MAP1A: variants seen among roughly 807,000 people sequenced by gnomAD.
The protein encoded by MAP1A is microtubule-associated protein 1A.
Under a neutral mutation model 185.9 loss-of-function variants are expected in MAP1A, and 42 were observed. The ratio of observed to expected loss-of-function variants is 0.23; its 90% CI spans 0.18 to 0.29. The LOEUF (loss-of-function observed/expected upper bound fraction) is 0.29. Ranked by LOEUF, MAP1A falls within the 10% of genes least tolerant of loss-of-function variation. The probability of loss-of-function intolerance (pLI) is 1.00; values close to 1 mark genes in which losing one functional copy is unlikely to be tolerated. For missense variants in MAP1A, 2,995 were observed against 3,450.4 expected (o/e 0.87, Z 3.31); for synonymous variants, 1,229 against 1,335.9 (o/e 0.92, Z 1.74).
Position 43,522,006 on chromosome 15 carries a change from G to A in MAP1A, c.533G>A (p.Arg178His), listed in dbSNP as rs750179744. 6.2e-6 allele frequency: 10 copies of A among 1,614,046 alleles called. No individual in the cohort carries two copies. The highest frequency in any genetic ancestry group is 1.7e-5 in the Admixed American group (1 of 60,004). Residue 178 changes from arginine to histidine, a missense_variant, in exon 4 of 6, where the codon CGT becomes CAT. Transcript: ENST00000300231. The surrounding 1 kb of genome is among the most constrained non-coding windows in gnomAD (Gnocchi z 5.9). ...RLGIQAEPLY[R>H]VVSNTIEPLT... is the part of the protein sequence containing the mutation. ...GGCATCCAGGCTGAGCCTCTATATC[G>A]TGTGGTCAGCAATACCATTGAGCCA...
intron 1 of MAP1A, among the ~76,000 whole-genome samples, chr15:43,518,140 G>C (rs2079305123): frequency 6.6e-6 from 1 of 152,132 alleles, no homozygotes; most frequent in Admixed American, 6.5e-5. Flanking sequence ...CCTATGCTGG[G>C]GGTGAGCAGG....
rs2079318277 is a variant in MAP1A, at chr15:43,521,328, C to A, written c.-146C>A. 1.2e-6 allele frequency: 2 copies of A among 1,607,184 alleles called. No individual in the cohort carries two copies. The highest frequency in any genetic ancestry group is 1.1e-5 in the South Asian group (1 of 90,648). Reference sequence around the variant, plus strand: ...TTCTATCTCCTATTCTTCTAGATTTCCCAATTGCTCAGCAATAGAGACCCT... The same window carrying A: ...TTCTATCTCCTATTCTTCTAGATTTACCAATTGCTCAGCAATAGAGACCCT... On this transcript the variant is annotated 5_prime_UTR_variant, in exon 4 of 6. Coordinates refer to ENST00000300231, the MANE Select transcript of MAP1A (RefSeq NM_002373.6). This position sits in a 1 kb window ranked among gnomAD's most constrained non-coding sequence, Gnocchi z 4.6.
rs775291243 is a variant in MAP1A at position 43,524,468 on chromosome 15, C to A, written c.2995C>A (p.Pro999Thr). 13 of 1,614,166 alleles carry A rather than the reference C, an allele frequency of 8.1e-6. No homozygotes were observed. In the Admixed American group the frequency reaches 2.2e-4, roughly 27 times the overall value. ...DSTVKMASPP[P>T]SGPPSATHTP... ...CACAGTGAAGATGGCTTCTCCTCCA[C>A]CATCTGGCCCACCCAGTGCCACCCA... The change falls in exon 4 of 6, where the codon CCA (proline) becomes ACA (threonine). Residue 999 changes from proline to threonine, a missense_variant. This residue lies in a region of MAP1A where 2,728 missense variants were observed against 2,986.0 expected (regional missense o/e 0.91). Transcript: ENST00000300231.
chr15:43,529,045 C>T lies in MAP1A; in HGVS notation c.7572C>T (p.Ser2524=). Residue 2524 remains serine, a synonymous_variant, in exon 4 of 6, where the codon TCC becomes TCT. Transcript: ENST00000300231. This position sits in a 1 kb window ranked among gnomAD's most constrained non-coding sequence, Gnocchi z 4.3. ...DVPPETEECP[S]ITAEAALDSD... is the part of the protein sequence containing the mutation. ...CGCCAGAAACTGAGGAGTGTCCGTCCATCACAGCTGAGGCAGCCCTCGACT... is the reference window on the plus strand; with the variant it reads ...CGCCAGAAACTGAGGAGTGTCCGTCTATCACAGCTGAGGCAGCCCTCGACT... 6.2e-7 allele frequency: 1 copy of T among 1,613,876 alleles called. No homozygotes were observed. Among genetic ancestry groups the T allele is most frequent in the Non-Finnish European group, 8.5e-7 (1 of 1,179,998 alleles).
rs1033753291 is a variant in MAP1A, at chr15:43,528,800, C to A, written c.7327C>A (p.Pro2443Thr). 6.8e-6 allele frequency: 11 copies of A among 1,613,494 alleles called. No individual in the cohort carries two copies. Among genetic ancestry groups the A allele is most frequent in the Non-Finnish European group, 9.3e-6 (11 of 1,179,940 alleles). ...CCAGGGATGTGCCACTGAGCCTCGG[C>A]CCCATCGTGGGGAGCTCTCCCCATC... ...GPQGCATEPR[P>T]HRGELSPSFL... Residue 2443 changes from proline (P) to threonine (T), a missense_variant, in exon 4 of 6, where the codon CCC (proline) becomes ACC (threonine). Around this residue, in one of 3 missense-constraint regions of MAP1A, gnomAD observed 2,728 missense variants for 2,986.0 expected, o/e 0.91. Coordinates refer to ENST00000300231, the MANE Select transcript of MAP1A (RefSeq NM_002373.6).
In MAP1A at chr15:43,523,163, G is replaced by A. The variant is rs1166410365; in HGVS notation, c.1690G>A (p.Ala564Thr). Residue 564 changes from alanine to threonine, a missense_variant, in exon 4 of 6, where the codon GCA (alanine) becomes ACA (threonine). Ala to Thr is a moderately conservative substitution (Grantham distance 58, BLOSUM62 0). Coordinates refer to ENST00000300231, the MANE Select transcript of MAP1A (RefSeq NM_002373.6). Reference sequence around the variant, plus strand: ...AGATAAGCCATTCCCTCTAGACACTGCAGAGGAGGGACCCCCAAGTACAGC... The same window carrying A: ...AGATAAGCCATTCCCTCTAGACACTACAGAGGAGGGACCCCCAAGTACAGC... ...LGDKPFPLDT[A>T]EEGPPSTAIQ... 1.2e-6 allele frequency: 2 copies of A among 1,614,126 alleles called. No homozygotes were observed. Among genetic ancestry groups the A allele is most frequent in the Middle Eastern group, 1.6e-4 (1 of 6,062 alleles).
rs1459803738 is a variant in MAP1A, at chr15:43,525,966, C to T, written c.4493C>T (p.Ala1498Val). The change falls in exon 4 of 6, where the codon GCC becomes GTC. Residue 1498 changes from alanine to valine, a missense_variant. By Grantham distance (64) the Ala-to-Val change is moderately conservative. Transcript: ENST00000300231. ...AAGATCCCAGAAGAGAAAGACAAAG[C>T]CTTAGATCAAAAAGTCAGAAGTGTT... ...KEKIPEEKDK[A>V]LDQKVRSVEH... 1 of 1,613,916 alleles carries T rather than the reference C, an allele frequency of 6.2e-7. No individual in the cohort carries two copies. The highest frequency in any genetic ancestry group is 1.3e-5 in the African/African-American group (1 of 74,906).
chr15:43,526,978 T>A lies in MAP1A; in HGVS notation c.5505T>A (p.Thr1835=), dbSNP rs752921921. The part of the protein sequence containing the change: ...LMPHMKNEPT[T]PSWLADIPPW... ...CACACATGAAGAATGAACCCACTAC[T>A]CCCTCATGGCTGGCTGACATCCCAC... Residue 1835 remains threonine (T), a synonymous_variant, in exon 4 of 6, where the codon ACT becomes ACA. Transcript: ENST00000300231. This position sits in a 1 kb window ranked among gnomAD's most constrained non-coding sequence, Gnocchi z 4.7. The A allele has an allele frequency of 1.2e-6, 2 of 1,613,248 alleles. No homozygotes were observed. The highest frequency in any genetic ancestry group is 1.7e-6 in the Non-Finnish European group (2 of 1,179,556).
Position 43,520,979 on chromosome 15 carries a change from A to G in MAP1A, c.-284A>G. 6.5e-7 allele frequency: 1 copy of G among 1,549,956 alleles called. No homozygotes were observed. Among genetic ancestry groups the G allele is most frequent in the Non-Finnish European group, 8.7e-7 (1 of 1,146,646 alleles). On this transcript the variant is annotated 5_prime_UTR_variant, in exon 3 of 6. Coordinates refer to ENST00000300231, the MANE Select transcript of MAP1A (RefSeq NM_002373.6). ...CCCCTTCTTCCATTCCAGGTTCATC[A>G]TCTTCTTAGCAGCTCATCAGCTTAT...
At chr15:43,518,372 GC>G (rs1433875266) in intron 1 of MAP1A, among the ~76,000 whole-genome samples, 1 of 151,956 alleles carries the variant, frequency 6.6e-6, no homozygotes, top group East Asian at 1.9e-4. Flanking sequence ...CCCAGCGGCT[GC>G]CCTGCATTTC....
At position 43,530,278 on chromosome 15, in the gene MAP1A, G is replaced by T. The variant is rs563181188; in HGVS notation, c.*54G>T. Reference sequence around the variant, plus strand: ...CACTCCCCCAGCTCCTTTAGAGAATGGCTACTGCTGAGTCCTTTGGGGTTG... The same window carrying T: ...CACTCCCCCAGCTCCTTTAGAGAATTGCTACTGCTGAGTCCTTTGGGGTTG... On this transcript the variant is annotated 3_prime_UTR_variant, in exon 6 of 6. Transcript: ENST00000300231. The T allele has an allele frequency of 1.9e-6, 3 of 1,601,126 alleles. No individual in the cohort carries two copies. The African/African-American group carries it at 4.0e-5, about 21-fold the overall frequency.
At position 43,522,025 on chromosome 15, in the gene MAP1A, T is replaced by C; in HGVS notation, c.552T>C (p.Ile184=). Residue 184 remains isoleucine, a synonymous_variant, in exon 4 of 6, where the codon ATT becomes ATC. Coordinates refer to ENST00000300231, the MANE Select transcript of MAP1A (RefSeq NM_002373.6). The surrounding 1 kb of genome is among the most constrained non-coding windows in gnomAD (Gnocchi z 5.9). ...EPLYRVVSNT[I]EPLTLFHKMG... ...TATATCGTGTGGTCAGCAATACCAT[T>C]GAGCCACTGACCCTCTTCCACAAAA... 6.2e-7 allele frequency: 1 copy of C among 1,614,194 alleles called. No individual in the cohort carries two copies. The highest frequency in any genetic ancestry group is 8.5e-7 in the Non-Finnish European group (1 of 1,180,032).
In MAP1A at chr15:43,530,977, CCT is replaced by C. The variant is rs1164311335; in HGVS notation, c.*754_*755del. ...CCAATGCCAGAATTCTTCCAAACTCCCTGACTCTTTGAAGTTTTTACTCACCC... is the reference window on the plus strand; with the variant it reads ...CCAATGCCAGAATTCTTCCAAACTCCGACTCTTTGAAGTTTTTACTCACCC... On this transcript the variant is annotated 3_prime_UTR_variant, in exon 6 of 6. Transcript: ENST00000300231. 3.9e-5 allele frequency: 6 copies of C among 152,794 alleles called. No homozygotes were observed. The highest frequency in any genetic ancestry group is 1.4e-4 in the African/African-American group (6 of 41,440). The allele number at this position is 152,794 out of a possible 1,614,324, so 9.5% of individuals were successfully genotyped here. A position where few individuals can be genotyped will look rare whatever the true frequency, so the allele number is the denominator to read the frequency against.
Position 43,525,730 on chromosome 15 carries a change from C to G in MAP1A, c.4257C>G (p.Asp1419Glu), listed in dbSNP as rs1190989202. The change falls in exon 4 of 6, where the codon GAC (aspartate) becomes GAG (glutamate). Residue 1419 changes from aspartate (D) to glutamate (E), a missense_variant. Around this residue, in one of 3 missense-constraint regions of MAP1A, gnomAD observed 2,728 missense variants for 2,986.0 expected, o/e 0.91. Coordinates refer to ENST00000300231, the MANE Select transcript of MAP1A (RefSeq NM_002373.6). ...EQKGRDLEQKDTALEQKDKAL... is the reference protein window; with the variant it reads ...EQKGRDLEQKETALEQKDKAL... ...AGGGCAGAGACTTAGAGCAAAAAGA[C>G]ACAGCCCTAGAACAGAAGGACAAGG... is the stretch of plus-strand genomic sequence containing the variant. 22 of 1,614,068 alleles carry G rather than the reference C, an allele frequency of 1.4e-5. No individual in the cohort carries two copies. The highest frequency in any genetic ancestry group is 2.2e-5 in the East Asian group (1 of 44,896).
At chr15:43,514,312 A>G (rs2079291211), upstream of MAP1A, among the ~76,000 whole-genome samples, 3 of 152,336 alleles carry the variant, frequency 2.0e-5, no homozygotes, top group South Asian at 4.1e-4. Context: ...CACACAGCTC[A>G]AGACAGCCAC....
chr15:43,528,231 C>T lies in MAP1A; in HGVS notation c.6758C>T (p.Pro2253Leu). The T allele has an allele frequency of 1.2e-6, 2 of 1,614,090 alleles. No homozygotes were observed. The highest frequency in any genetic ancestry group is 1.7e-6 in the Non-Finnish European group (2 of 1,180,034). ...LLSNLPRPASPALSEGSSSEA... is the reference protein window; with the variant it reads ...LLSNLPRPASLALSEGSSSEA... ...TCCAATCTGCCACGACCTGCCTCAC[C>T]AGCCCTGTCTGAGGGCTCCTCCTCT... The change falls in exon 4 of 6, where the codon CCA becomes CTA. Residue 2253 changes from proline to leucine, a missense_variant. Physicochemically the swap from Pro to Leu is moderately conservative, Grantham distance 98. Coordinates refer to ENST00000300231, the MANE Select transcript of MAP1A (RefSeq NM_002373.6).
At chr15:43,519,645 C>G (rs523156) in intron 1 of MAP1A, among the ~76,000 whole-genome samples, 67,596 of 152,134 alleles carry the variant, frequency 0.44, 19,448 homozygotes, top group African/African-American at 0.82. Flanking sequence ...TCTTCTGTCT[C>G]ATTTGCCACT....
At position 43,525,774 on chromosome 15, in the gene MAP1A, AAGACTT is replaced by A. The variant is rs964721951; in HGVS notation, c.4305_4310del (p.Asp1435_Leu1436del). On this transcript the variant is annotated inframe_deletion, in exon 4 of 6. Transcript: ENST00000300231. The stretch of plus-strand genomic sequence containing the variant: ...GACAAGGCCCTGGAACCAAAAGACA[AAGACTT>A]AGAAGAAAAAGACAAGGCCCTGGAA... 1 of 1,614,052 alleles carries A rather than the reference AAGACTT, an allele frequency of 6.2e-7. No individual in the cohort carries two copies. The highest frequency in any genetic ancestry group is 1.7e-5 in the Admixed American group (1 of 60,008).
chr15:43,523,898 C>T lies in MAP1A; in HGVS notation c.2425C>T (p.Leu809Phe), dbSNP rs1488761557. ...GKVYGTPETE[L>F]TYPTNIVAAP... is the part of the protein sequence containing the mutation. ...AGTCTATGGAACGCCAGAGACTGAACTCACCTACCCCACTAACATAGTGGC... is the reference window on the plus strand; with the variant it reads ...AGTCTATGGAACGCCAGAGACTGAATTCACCTACCCCACTAACATAGTGGC... Residue 809 changes from leucine to phenylalanine, a missense_variant, in exon 4 of 6, where the codon CTC (leucine) becomes TTC (phenylalanine). This residue lies in a region of MAP1A where 2,728 missense variants were observed against 2,986.0 expected (regional missense o/e 0.91). Coordinates refer to ENST00000300231, the MANE Select transcript of MAP1A (RefSeq NM_002373.6). 1 of 1,614,202 alleles carries T rather than the reference C, an allele frequency of 6.2e-7. No individual in the cohort carries two copies. The highest frequency in any genetic ancestry group is 2.2e-5 in the East Asian group (1 of 44,876).
Sources: allele counts gnomAD v4.1 joint callset (sites outside exome capture counted in the v4.1 genomes callset), GRCh38; gene constraint gnomAD v4.1.1; regional missense constraint gnomAD v4.1.1; non-coding constraint Gnocchi (gnomAD v3.1); transcripts MANE v1.5; gene names NCBI Gene and HGNC (gene_info 2026-07-23, HGNC 2026-07-21).